The following CA10 variants were observed in gnomAD, a reference collection of about 807,000 sequenced individuals.
CA10 encodes carbonic anhydrase 10 (inactive).
In CA10, 14 loss-of-function variants were observed where a neutral mutation model predicts 44.2. The ratio of observed to expected loss-of-function variants is 0.32; its 90% CI spans 0.21 to 0.50. The LOEUF is 0.50. Ranked by LOEUF, CA10 falls within the 20% of genes least tolerant of loss-of-function variation. The probability of loss-of-function intolerance (pLI) is 0.99; values close to 1 mark genes in which losing one functional copy is unlikely to be tolerated. For missense variants in CA10, 350 were observed against 409.7 expected (o/e 0.85, Z 1.26); for synonymous variants, 159 against 141.6 (o/e 1.12, Z -0.87).
At chr17:51,739,554 G>T (rs1055745327) in intron 4 of CA10, among the ~76,000 whole-genome samples, 3 of 152,136 alleles carry the variant, frequency 2.0e-5, no homozygotes, top group Admixed American at 6.5e-5. Context: ...TGCAGATTAG[G>T]CTGGAGTCAA....
intron 3 of CA10, among the ~76,000 whole-genome samples, chr17:51,861,991 A>G (rs1296582224): frequency 1.3e-5 from 2 of 152,216 alleles, no homozygotes; most frequent in African/African-American, 4.8e-5. Flanking sequence ...GGTCCACTAT[A>G]TACAACAGCC....
chr17:51,945,261 A>T (rs998173498), intron 2 of CA10, among the ~76,000 whole-genome samples: 3 of 152,082 alleles, frequency 2.0e-5, no homozygotes, highest in African/African-American at 7.2e-5. Context: ...GATGTTTTAG[A>T]GACGGCATTT....
At chr17:51,663,223 T>TA (rs531166790) in intron 4 of CA10, among the ~76,000 whole-genome samples, 149,677 of 149,678 alleles carry the variant, frequency 1, 74,838 homozygotes, top group Non-Finnish European at 1. Flanking sequence ...GAACTTGGAA[T>TA]GCGTTTCGAG....
At chr17:51,998,314 G>T (rs1418905098) in intron 2 of CA10, among the ~76,000 whole-genome samples, 1 of 152,046 alleles carries the variant, frequency 6.6e-6, no homozygotes, top group Non-Finnish European at 1.5e-5. Flanking sequence ...CAGACTGCAG[G>T]TGCTGTAGAT....
At chr17:51,689,952 A>ATTT (rs141637521) in intron 4 of CA10, among the ~76,000 whole-genome samples, 7 of 145,166 alleles carry the variant, frequency 4.8e-5, no homozygotes, top group African/African-American at 1.8e-4. Context: ...ACTCTTACCG[A>ATTT]TTTTTTTTTT....
intron 4 of CA10, among the ~76,000 whole-genome samples, chr17:51,705,752 T>A (rs1166556664): frequency 6.6e-6 from 1 of 152,150 alleles, no homozygotes; most frequent in Non-Finnish European, 1.5e-5. Flanking sequence ...AGGACCCTTT[T>A]GAACCAAAAT....
intron 1 of CA10, among the ~76,000 whole-genome samples, chr17:52,151,016 T>C (rs1354944447): frequency 2.6e-5 from 4 of 152,184 alleles, no homozygotes; most frequent in Non-Finnish European, 4.4e-5. Flanking sequence ...ATGTGTTTTG[T>C]GATCAAGAAT....
intron 1 of CA10, among the ~76,000 whole-genome samples, chr17:52,080,365 T>C (rs973277788): frequency 1.3e-5 from 2 of 151,770 alleles, no homozygotes; most frequent in East Asian, 2.0e-4. Flanking sequence ...GGCAGGAGAA[T>C]GGCATGAACC....
chr17:51,859,820 A>G (rs1383504865), intron 3 of CA10, among the ~76,000 whole-genome samples: 3 of 152,210 alleles, frequency 2.0e-5, no homozygotes, highest in African/African-American at 7.2e-5. Flanking sequence ...AAACAGGATC[A>G]TCATTGTTGG....
chr17:52,150,115 T>G (rs1324751127), intron 1 of CA10, among the ~76,000 whole-genome samples: 1 of 152,192 alleles, frequency 6.6e-6, no homozygotes, highest in Non-Finnish European at 1.5e-5. Flanking sequence ...GTCCTATGTC[T>G]CATCTAATCT....
intron 2 of CA10, among the ~76,000 whole-genome samples, chr17:52,011,778 G>A (rs1317030549): frequency 6.6e-6 from 1 of 152,050 alleles, no homozygotes; most frequent in East Asian, 1.9e-4. Flanking sequence ...GTGGGGAAGA[G>A]AGAGTCATAA....
chr17:51,684,241 C>T (rs1218348422), intron 4 of CA10, among the ~76,000 whole-genome samples: 1 of 152,126 alleles, frequency 6.6e-6, no homozygotes, highest in African/African-American at 2.4e-5. Flanking sequence ...TGGATTCTGC[C>T]CTACAGCCTC....
intron 1 of CA10, among the ~76,000 whole-genome samples, chr17:52,150,592 A>G (rs1253296152): frequency 6.6e-6 from 1 of 152,198 alleles, no homozygotes; most frequent in Non-Finnish European, 1.5e-5. Flanking sequence ...TGGATATATC[A>G]TTTAGTTAAC....
At chr17:51,952,132 AAAGT>A (rs886265144) in intron 2 of CA10, among the ~76,000 whole-genome samples, 2 of 152,194 alleles carry the variant, frequency 1.3e-5, no homozygotes, top group African/African-American at 4.8e-5. Flanking sequence ...AGGTAAGTGC[AAAGT>A]AAGATATAAT....
chr17:51,892,054 A>G (rs2143911721), intron 3 of CA10, among the ~76,000 whole-genome samples: 1 of 152,264 alleles, frequency 6.6e-6, no homozygotes, highest in South Asian at 2.1e-4. Context: ...CCAGAGAACT[A>G]TTATGGTTTT....
intron 3 of CA10, among the ~76,000 whole-genome samples, chr17:51,910,564 A>G (rs750712052): frequency 6.6e-6 from 1 of 152,228 alleles, no homozygotes; most frequent in Non-Finnish European, 1.5e-5. Flanking sequence ...GGCAGGATCT[A>G]GAGTAATTCA....
chr17:51,930,227 C>CTTGAG (rs10657681), intron 3 of CA10, among the ~76,000 whole-genome samples: 102,731 of 151,660 alleles, frequency 0.68, 35,125 homozygotes, highest in Non-Finnish European at 0.71. Context: ...TTCCATTTCT[C>CTTGAG]TTAACAATAG....
At position 51,717,676 on chromosome 17, in the gene CA10, T is replaced by C. The variant is rs1275475421; in HGVS notation, c.465+29957A>G. ...ATATACGTATATATACATGTATATA[T>C]GTATATATGTATACATATATGCATG... is the stretch of plus-strand genomic sequence containing the variant. On this transcript the variant is annotated intron_variant, in intron 4 of 8. Coordinates refer to ENST00000451037, the MANE Select transcript of CA10 (RefSeq NM_020178.5). Among the ~76,000 whole-genome samples, 14 of 89,476 alleles carry C rather than the reference T, an allele frequency of 1.6e-4. 2 individuals are homozygous for C. Among genetic ancestry groups the C allele is most frequent in the South Asian group, 1.4e-3 (4 of 2,810 alleles). The allele number at this position is 89,476 out of a possible 152,430, so 58.7% of individuals were successfully genotyped here.
At chr17:51,860,144 C>T (rs1979237033) in intron 3 of CA10, among the ~76,000 whole-genome samples, 1 of 152,162 alleles carries the variant, frequency 6.6e-6, no homozygotes, top group Admixed American at 6.5e-5. Flanking sequence ...AAATCTCATT[C>T]CTGGAAACCC....
Sources: allele counts gnomAD v4.1 joint callset (sites outside exome capture counted in the v4.1 genomes callset), GRCh38; gene constraint gnomAD v4.1.1; transcripts MANE v1.5; gene names NCBI Gene and HGNC (gene_info 2026-07-23, HGNC 2026-07-21).